THOC2: variants seen among roughly 807,000 people sequenced by gnomAD.
The protein encoded by THOC2 is THO complex subunit 2.
A neutral mutation model predicts 128.4 loss-of-function variants in THOC2; 10 were observed. The ratio of observed to expected loss-of-function variants is 0.08; its 90% CI spans 0.05 to 0.13. The LOEUF is 0.13. Ranked by LOEUF, THOC2 falls within the 10% of genes least tolerant of loss-of-function variation. The pLI, the probability that THOC2 is intolerant of heterozygous loss-of-function variation, is 1.00. For missense variants in THOC2, 535 were observed against 1,155.7 expected, an observed-to-expected ratio of 0.46 and a Z score of 7.79; for synonymous variants, 393 against 396.9, an observed-to-expected ratio of 0.99 and a Z score of 0.12.
Position 123,639,469 on chromosome X carries a change from G to C in THOC2, c.1747-442C>G, listed in dbSNP as rs1395480419. ...TCTAGTAGAAATCTTTCACCTCCTT[G>C]GTTAGATGTATCTCTTGGTACTTTT... On this transcript the variant is annotated intron_variant, in intron 16 of 38. Transcript: ENST00000245838. Among the ~76,000 whole-genome samples, 17 of 111,671 alleles carry C rather than the reference G, an allele frequency of 1.5e-4. No homozygotes were observed. In the Admixed American group the frequency reaches 1.6e-3, roughly 11 times the overall value.
intron 1 of THOC2, among the ~76,000 whole-genome samples, chrX:123,728,546 G>A (rs1334406871): frequency 9.0e-6 from 1 of 110,902 alleles, no homozygotes; most frequent in African/African-American, 3.3e-5. Flanking sequence ...GCTGAATTTG[G>A]AGCAACTTTG....
intron 11 of THOC2, 47 bp from the exon 12 acceptor site, chrX:123,665,884 T>C (rs750895464): frequency 2.1e-5 from 15 of 719,100 alleles, no homozygotes; most frequent in Non-Finnish European, 2.4e-5. Context: ...AATAAGTATA[T>C]AATAAATATA....
intron 33 of THOC2, 116 bp downstream of exon 33, chrX:123,619,285 T>G: frequency 1.0e-5 from 4 of 396,921 alleles, no homozygotes; most frequent in Non-Finnish European, 1.3e-5. Context: ...GTAAGCAGAG[T>G]ACTTTATCCC....
Position 123,704,434 on chromosome X carries a change from AT to A in THOC2, c.223-930del, listed in dbSNP as rs766556173. ...TGGGGTTTGGGTTTCTATCGAATCC[AT>A]CATCCAAATAGTGAACACAGTACTC... On this transcript the variant is annotated intron_variant, in intron 3 of 38. Coordinates refer to ENST00000245838, the MANE Select transcript of THOC2 (RefSeq NM_001081550.2). Among the ~76,000 whole-genome samples the A allele has an allele frequency of 1.7e-3, 192 of 112,141 alleles. 1 individual carries two copies. Among genetic ancestry groups the A allele is most frequent in the African/African-American group, 6.2e-3 (191 of 30,869 alleles).
chrX:123,661,865 A>G (rs1254161751), intron 12 of THOC2, among the ~76,000 whole-genome samples: 5 of 111,630 alleles, frequency 4.5e-5, no homozygotes, highest in African/African-American at 1.3e-4. Context: ...TGGCGCATGC[A>G]CCTGTGGTCC....
chrX:123,732,412 C>G (rs1338967413), intron 1 of THOC2, among the ~76,000 whole-genome samples: 1 of 112,446 alleles, frequency 8.9e-6, no homozygotes, highest in African/African-American at 3.2e-5. Flanking sequence ...AGGTGCCAAA[C>G]CGGGTTCTTC....
At position 123,606,350 on chromosome X, in the gene THOC2, G is replaced by A. The variant is rs764478613; in HGVS notation, c.*18+4568C>T. 8.2e-5 allele frequency among the ~76,000 whole-genome samples: 9 copies of A among 110,393 alleles called. No individual in the cohort carries two copies. In the East Asian group the frequency reaches 2.5e-3, roughly 31 times the overall value. ...CTCACACCTGTAATCCCAGCATTTTGGGAGGCCAAGGAGGGCGGTTCACTT... is the reference window on the plus strand; with the variant it reads ...CTCACACCTGTAATCCCAGCATTTTAGGAGGCCAAGGAGGGCGGTTCACTT... On this transcript the variant is annotated intron_variant, in intron 38 of 38. Coordinates refer to ENST00000245838, the MANE Select transcript of THOC2 (RefSeq NM_001081550.2).
intron 8 of THOC2, among the ~76,000 whole-genome samples, chrX:123,680,723 A>G (rs2147852929): frequency 9.1e-6 from 1 of 109,943 alleles, no homozygotes; most frequent in South Asian, 3.9e-4. Context: ...CCCTCCCAAC[A>G]CTCCAAACCC....
intron 15 of THOC2, among the ~76,000 whole-genome samples, chrX:123,641,065 A>G (rs930221465): frequency 1.8e-5 from 2 of 111,707 alleles, no homozygotes; most frequent in African/African-American, 6.5e-5. Context: ...TTACTGTGTT[A>G]TCTGTAAACT....
intron 12 of THOC2, among the ~76,000 whole-genome samples, chrX:123,663,658 A>C (rs1330527194): frequency 1.8e-5 from 2 of 108,594 alleles, no homozygotes; most frequent in Non-Finnish European, 1.9e-5. Context: ...TCTAGGGTAC[A>C]TGTGCACAAT....
intron 12 of THOC2, among the ~76,000 whole-genome samples, chrX:123,663,835 T>C (rs954362968): frequency 4.5e-5 from 5 of 111,078 alleles, no homozygotes; most frequent in Non-Finnish European, 9.4e-5. Flanking sequence ...GTGTTCTCCT[T>C]GTTCAATTCC....
chrX:123,655,207 G>A lies in THOC2; in HGVS notation c.1387-9832C>T, dbSNP rs540055505. On this transcript the variant is annotated intron_variant, in intron 12 of 38. Coordinates refer to ENST00000245838, the MANE Select transcript of THOC2 (RefSeq NM_001081550.2). Reference sequence around the variant, plus strand: ...TTATTTAGTACTCACTATGTGCCACGTACAGACTAAAACCTTCGCATTTAT... The same window carrying A: ...TTATTTAGTACTCACTATGTGCCACATACAGACTAAAACCTTCGCATTTAT... Among the ~76,000 whole-genome samples the A allele has an allele frequency of 7.2e-4, 80 of 111,589 alleles. No homozygotes were observed. The South Asian group carries it at 0.026, about 37-fold the overall frequency.
rs2050879243 is a variant in THOC2, at chrX:123,705,240, A to G, written c.222+1618T>C. Among the ~76,000 whole-genome samples the G allele has an allele frequency of 3.6e-5, 4 of 112,031 alleles. No individual in the cohort carries two copies. In the South Asian group the frequency reaches 1.5e-3, roughly 42 times the overall value. On this transcript the variant is annotated intron_variant, in intron 3 of 38. Transcript: ENST00000245838. ...ATTCAAAAGAAAGAAGAAGCTATGT[A>G]AGAACCAAACACACATATATAAAAT... is the stretch of plus-strand genomic sequence containing the variant.
At chrX:123,644,225 G>C (rs1787195125) in intron 15 of THOC2, among the ~76,000 whole-genome samples, 1 of 112,241 alleles carries the variant, frequency 8.9e-6, no homozygotes, top group Non-Finnish European at 1.9e-5. Flanking sequence ...GAAATTGCTA[G>C]AACTTTTACT....
intron 38 of THOC2, chrX:123,601,643 T>C (rs755127681): frequency 3.6e-5 from 4 of 110,773 alleles, no homozygotes; most frequent in African/African-American, 1.3e-4. Context: ...TATTTGTGTG[T>C]TTCTTTTTGT....
chrX:123,684,848 G>C (rs2049940196), intron 8 of THOC2, among the ~76,000 whole-genome samples: 1 of 112,218 alleles, frequency 8.9e-6, no homozygotes, highest in African/African-American at 3.2e-5. Context: ...ATGAGCAAAG[G>C]CAGTAGGTAC....
rs2047129709 is a variant in THOC2 at position 123,622,670 on chromosome X, T to C, written c.3785+88A>G. ...AAGTTCGAGACCAGCCTGGGCAACA[T>C]TGCAAGACCAACCCCGTCTCAAAAA... is the stretch of plus-strand genomic sequence containing the variant. On this transcript the variant is annotated intron_variant, in intron 30 of 38. Coordinates refer to ENST00000245838, the MANE Select transcript of THOC2 (RefSeq NM_001081550.2). 1.0e-5 allele frequency: 7 copies of C among 674,271 alleles called. 1 individual carries two copies. Among genetic ancestry groups the C allele is most frequent in the South Asian group, 9.4e-5 (3 of 32,037 alleles). 55.6% of individuals were successfully genotyped at this position (674,271 alleles called of 1,213,427 possible).
chrX:123,680,822 C>T (rs954274470), intron 8 of THOC2, among the ~76,000 whole-genome samples: 1 of 111,965 alleles, frequency 8.9e-6, no homozygotes, highest in Admixed American at 9.5e-5. Context: ...CTTAACTCTA[C>T]TTTCTCACAT....
chrX:123,667,966 A>C (rs1263274167), intron 10 of THOC2, among the ~76,000 whole-genome samples, 193 bp downstream of exon 10: 3 of 111,567 alleles, frequency 2.7e-5, no homozygotes, highest in Admixed American at 1.9e-4. Context: ...CAAGAAAAAA[A>C]ATATGACAGC....
Sources: gnomAD v4.1 joint callset for allele counts (sites outside exome capture counted in the v4.1 genomes callset) on GRCh38, gnomAD v4.1.1 for gene constraint, MANE v1.5 for transcripts, NCBI Gene and HGNC (gene_info 2026-07-23, HGNC 2026-07-21) for gene names.